Variants in ASIC2 observed in about 807,000 individuals in gnomAD.
ASIC2 encodes acid sensing ion channel subunit 2.
ASIC2 carries 25 observed loss-of-function variants against 57.3 expected under a neutral mutation model. The ratio of observed to expected loss-of-function variants is 0.44; its 90% CI spans 0.32 to 0.61. The LOEUF (loss-of-function observed/expected upper bound fraction) is 0.61. Ranked by LOEUF, ASIC2 falls within the 20% of genes least tolerant of loss-of-function variation. The pLI, the probability that ASIC2 is intolerant of heterozygous loss-of-function variation, is 0.06. For missense variants in ASIC2, 641 were observed against 738.1 expected, an observed-to-expected ratio of 0.87 and a Z score of 1.52; for synonymous variants, 319 against 307.5, an observed-to-expected ratio of 1.04 and a Z score of -0.39.
intron 1 of ASIC2, among the ~76,000 whole-genome samples, chr17:33,339,141 G>T (rs1907634342): frequency 6.6e-6 from 1 of 152,140 alleles, no homozygotes; most frequent in Non-Finnish European, 1.5e-5. Context: ...TTTGCAGGGG[G>T]CAACAATGAA....
At chr17:33,626,860 G>A (rs9909318) in intron 1 of ASIC2, among the ~76,000 whole-genome samples, 58,278 of 151,842 alleles carry the variant, frequency 0.38, 11,418 homozygotes, top group East Asian at 0.49. Context: ...CCCTTCCTCT[G>A]CCCTATGAAC....
intron 1 of ASIC2, among the ~76,000 whole-genome samples, chr17:34,139,436 A>G (rs992524887): frequency 6.6e-6 from 1 of 152,260 alleles, no homozygotes; most frequent in African/African-American, 2.4e-5. Flanking sequence ...CGATGTATGA[A>G]TAGCAGCATT....
intron 1 of ASIC2, among the ~76,000 whole-genome samples, chr17:33,799,408 T>TTTCTTTCTTTCTTTCTTTC (rs574236895): frequency 3.2e-5 from 2 of 63,076 alleles, no homozygotes; most frequent in Admixed American, 1.6e-4. Flanking sequence ...CTTTCTTTTC[T>TTTCTTTCTTTCTTTCTTTC]TTCTTTCTTT....
At chr17:33,190,674 T>C (rs1478335309) in intron 1 of ASIC2, among the ~76,000 whole-genome samples, 2 of 152,142 alleles carry the variant, frequency 1.3e-5, no homozygotes, top group African/African-American at 4.8e-5. Flanking sequence ...ATTATAAATA[T>C]AGACATATAG....
chr17:33,937,395 G>C (rs777556175), intron 1 of ASIC2, among the ~76,000 whole-genome samples: 4 of 151,676 alleles, frequency 2.6e-5, no homozygotes, highest in African/African-American at 9.7e-5. Context: ...CAGCATGCCC[G>C]GCTGAAAATG....
rs143624252 is a variant in ASIC2 at position 33,166,776 on chromosome 17, G to A, written c.709-54709C>T. Among the ~76,000 whole-genome samples the A allele has an allele frequency of 2.4e-3, 372 of 152,298 alleles. 2 individuals are homozygous for A. The highest frequency in any genetic ancestry group is 8.5e-3 in the African/African-American group (355 of 41,556). The stretch of plus-strand genomic sequence containing the variant: ...TCCCACTGCACTGCAGGAACCGAAC[G>A]GTATTGCATAAAGGCTGGCTTTGCC... On this transcript the variant is annotated intron_variant, in intron 1 of 9. Coordinates refer to ENST00000225823, the MANE Select transcript of ASIC2 (RefSeq NM_183377.2).
intron 3 of ASIC2, 27 bp from the exon 4 acceptor site, chr17:33,028,419 A>G: frequency 6.2e-7 from 1 of 1,613,638 alleles, no homozygotes. Flanking sequence ...AGGGGGCGGC[A>G]GTCAGCCTCA....
intron 1 of ASIC2, among the ~76,000 whole-genome samples, chr17:34,107,795 A>C (rs1911115048): frequency 1.3e-5 from 2 of 152,150 alleles, no homozygotes; most frequent in Admixed American, 6.5e-5. Context: ...GTTTGCTTTC[A>C]GTTTTAGGGT....
intron 1 of ASIC2, among the ~76,000 whole-genome samples, chr17:33,323,866 G>C (rs1394700962): frequency 6.6e-6 from 1 of 151,832 alleles, no homozygotes; most frequent in Non-Finnish European, 1.5e-5. Flanking sequence ...GGCAGTGGGA[G>C]TTACTAGAAA....
At chr17:34,023,172 A>C (rs564990845) in intron 1 of ASIC2, among the ~76,000 whole-genome samples, 96 of 152,172 alleles carry the variant, frequency 6.3e-4, no homozygotes, top group African/African-American at 2.2e-3. Context: ...GAATGAACTA[A>C]TACACCCTCT....
At chr17:34,001,468 C>G (rs1165719761) in intron 1 of ASIC2, 1 of 152,466 alleles carries the variant, frequency 6.6e-6, no homozygotes, top group Non-Finnish European at 1.5e-5. Flanking sequence ...TGGTGCTGGT[C>G]TGGCATCAGC....
intron 3 of ASIC2, among the ~76,000 whole-genome samples, chr17:33,043,126 C>T (rs886805710): frequency 9.2e-5 from 14 of 152,128 alleles, no homozygotes; most frequent in African/African-American, 1.9e-4. Context: ...AGGGTTTCAC[C>T]GTGTTAGCCA....
At chr17:33,128,925 A>T (rs2092334800) in intron 1 of ASIC2, among the ~76,000 whole-genome samples, 1 of 151,976 alleles carries the variant, frequency 6.6e-6, no homozygotes, top group South Asian at 2.1e-4. Context: ...ACGTCCATAT[A>T]TTTTTCTCTC....
chr17:33,832,941 T>C (rs1202802288), intron 1 of ASIC2, among the ~76,000 whole-genome samples: 1 of 152,190 alleles, frequency 6.6e-6, no homozygotes, highest in East Asian at 1.9e-4. Context: ...AAGTAAAATA[T>C]GGCAAGTACA....
rs536763594 is a variant in ASIC2 at position 33,145,820 on chromosome 17, G to T, written c.709-33753C>A. ...CCAAATAGTCAACCTGTCTATGCAG[G>T]AGGCTTTCTCCTCTTGATGACTTGC... On this transcript the variant is annotated intron_variant, in intron 1 of 9. Transcript: ENST00000225823. Among the ~76,000 whole-genome samples the T allele has an allele frequency of 3.3e-5, 5 of 152,264 alleles. No individual in the cohort carries two copies. The South Asian group carries it at 8.3e-4, about 25-fold the overall frequency.
At chr17:33,370,710 A>G (rs949770988) in intron 1 of ASIC2, among the ~76,000 whole-genome samples, 2 of 152,196 alleles carry the variant, frequency 1.3e-5, no homozygotes, top group African/African-American at 2.4e-5. Flanking sequence ...GATTCTCTCT[A>G]GCACAGCAGG....
At chr17:34,062,400 C>T (rs1441877881) in intron 1 of ASIC2, among the ~76,000 whole-genome samples, 1 of 152,056 alleles carries the variant, frequency 6.6e-6, no homozygotes, top group Non-Finnish European at 1.5e-5. Flanking sequence ...GTTCATAGCC[C>T]TAAATGCCTA....
chr17:34,038,381 T>C, intron 1 of ASIC2: 1 of 1,611,694 alleles, frequency 6.2e-7, no homozygotes, highest in Non-Finnish European at 8.5e-7. Flanking sequence ...ATGGTCCAGC[T>C]CTTTATGAAT....
Position 33,182,993 on chromosome 17 carries a change from C to T in ASIC2, c.709-70926G>A, listed in dbSNP as rs1377795210. Among the ~76,000 whole-genome samples, 10 of 152,320 alleles carry T rather than the reference C, an allele frequency of 6.6e-5. No homozygotes were observed. The South Asian group carries it at 1.9e-3, about 28-fold the overall frequency. On this transcript the variant is annotated intron_variant, in intron 1 of 9. Transcript: ENST00000225823. Reference sequence around the variant, plus strand: ...TACTTCTTTGGTTCATTTATTCAAACAGTGCACAGCTTTCATTAACAGGAG... The same window carrying T: ...TACTTCTTTGGTTCATTTATTCAAATAGTGCACAGCTTTCATTAACAGGAG...
Sources: allele counts gnomAD v4.1 joint callset (sites outside exome capture counted in the v4.1 genomes callset), GRCh38; gene constraint gnomAD v4.1.1; transcripts MANE v1.5; gene names NCBI Gene and HGNC (gene_info 2026-07-23, HGNC 2026-07-21).